Variants in AGXT2 observed in about 807,000 individuals in gnomAD.
AGXT2 encodes alanine--glyoxylate aminotransferase 2.
A neutral mutation model predicts 62.5 loss-of-function variants in AGXT2; 61 were observed. That is an observed-to-expected ratio of 0.98 (90% CI 0.79 to 1.21). The LOEUF (loss-of-function observed/expected upper bound fraction) is 1.21, where lower values mean the gene tolerates loss of function less well. Among genes scored for constraint, AGXT2 ranks in the 50% most tolerant of loss-of-function variants. The pLI is 0.00. For synonymous variants in AGXT2, 243 were observed against 218.7 expected (o/e 1.11, Z -0.98); for missense variants, 666 against 641.5 (o/e 1.04, Z -0.41).
chr5:35,016,059 A>G (rs1766839844), intron 9 of AGXT2, among the ~76,000 whole-genome samples: 1 of 152,098 alleles, frequency 6.6e-6, no homozygotes. Flanking sequence ...CCTCCTTCCT[A>G]CTAATGAGCC....
In AGXT2 at chr5:34,998,362, C is replaced by A; in HGVS notation, c.*357G>T. On this transcript the variant is annotated 3_prime_UTR_variant, in exon 14 of 14. Coordinates refer to ENST00000231420, the MANE Select transcript of AGXT2 (RefSeq NM_031900.4). ...AAGAGTGAGGGTGAAGAAAACTTTC[C>A]CTGAAGGCACCTCCACCAAAAGATT... 3.3e-6 allele frequency: 1 copy of A among 302,176 alleles called. No homozygotes were observed. The highest frequency in any genetic ancestry group is 3.8e-5 in the South Asian group (1 of 26,474). 18.7% of individuals were successfully genotyped at this position (302,176 alleles called of 1,614,324 possible).
At chr5:35,012,770 C>T (rs1292400104) in intron 11 of AGXT2, 184 bp downstream of exon 11, 3 of 650,492 alleles carry the variant, frequency 4.6e-6, no homozygotes, top group Non-Finnish European at 8.4e-6. Context: ...ACTTTCAGCA[C>T]CCAAAGTAGG....
At position 35,040,643 on chromosome 5, in the gene AGXT2, C is replaced by A; in HGVS notation, c.109G>T (p.Val37Leu). The A allele has an allele frequency of 6.2e-7, 1 of 1,613,916 alleles. No individual in the cohort carries two copies. The highest frequency in any genetic ancestry group is 1.7e-5 in the Admixed American group (1 of 60,026). The change falls in exon 2 of 14, where the codon GTA (valine) becomes TTA (leucine). Residue 37 changes from valine to leucine, a missense_variant. Transcript: ENST00000231420. ...TTTGTATGAAGACTGAGCTTGGTTA[C>A]TGATGTCCGGGAAGTACCTACTGAA... ...FLSLGTSRTS[V>L]TKLSLHTKPR...
At position 35,025,799 on chromosome 5, in the gene AGXT2, C is replaced by T. The variant is rs754601615; in HGVS notation, c.927G>A (p.Leu309=). The T allele has an allele frequency of 1.9e-6, 3 of 1,614,160 alleles. No individual in the cohort carries two copies. The East Asian group carries it at 6.7e-5, about 36-fold the overall frequency. The change falls in exon 9 of 14, where the codon CTG becomes CTA. Residue 309 remains leucine (L), a synonymous_variant. Coordinates refer to ENST00000231420, the MANE Select transcript of AGXT2 (RefSeq NM_031900.4). ...PKGFLKEAFE[L]VRARGGVCIA... ...TGCACACGCCTCCCCTTGCTCGCACCAGCTCAAAGGCTTCCTTTAGAAACC... is the reference window on the plus strand; with the variant it reads ...TGCACACGCCTCCCCTTGCTCGCACTAGCTCAAAGGCTTCCTTTAGAAACC...
chr5:35,041,215 C>T (rs37372), intron 1 of AGXT2, among the ~76,000 whole-genome samples: 34,689 of 76,312 alleles, frequency 0.45, 5,434 homozygotes, highest in South Asian at 0.5. Flanking sequence ...GACAAAACCT[C>T]CCCCCGCCAA....
intron 9 of AGXT2, among the ~76,000 whole-genome samples, chr5:35,022,495 T>C (rs575451717): frequency 7.1e-4 from 104 of 146,774 alleles, no homozygotes; most frequent in Non-Finnish European, 1.3e-3. Context: ...GCACCGCATA[T>C]TCTCACTCAT....
At chr5:35,025,913 A>T in intron 8 of AGXT2, 58 bp from the exon 9 acceptor site, 1 of 1,482,092 alleles carries the variant, frequency 6.7e-7, no homozygotes, top group Non-Finnish European at 9.4e-7. Flanking sequence ...TTCAAAGTAT[A>T]TAAAAAAGTT....
chr5:34,998,697 G>A lies in AGXT2; in HGVS notation c.*22C>T. 1.3e-6 allele frequency: 2 copies of A among 1,588,936 alleles called. No individual in the cohort carries two copies. Among genetic ancestry groups the A allele is most frequent in the Non-Finnish European group, 1.7e-6 (2 of 1,158,044 alleles). On this transcript the variant is annotated 3_prime_UTR_variant, in exon 14 of 14. Coordinates refer to ENST00000231420, the MANE Select transcript of AGXT2 (RefSeq NM_031900.4). ...ACGTGGCAAATTCTTGAGACTTGTG[G>A]TTTTATTTATTTCTGACAATGTTAC...
At chr5:35,021,906 G>A (rs74519055) in intron 9 of AGXT2, among the ~76,000 whole-genome samples, 13,659 of 152,158 alleles carry the variant, frequency 0.09, 772 homozygotes, top group South Asian at 0.15. Context: ...ATCAACAATT[G>A]GGTGAAGGAT....
At chr5:35,002,332 C>T (rs1202273114) in intron 13 of AGXT2, among the ~76,000 whole-genome samples, 1 of 152,054 alleles carries the variant, frequency 6.6e-6, no homozygotes, top group African/African-American at 2.4e-5. Flanking sequence ...ATTGAAGATG[C>T]AAGAAAACAT....
At chr5:35,021,562 A>G (rs1489705045) in intron 9 of AGXT2, among the ~76,000 whole-genome samples, 1 of 125,026 alleles carries the variant, frequency 8.0e-6, no homozygotes, top group Non-Finnish European at 1.7e-5. Flanking sequence ...CACCTTATAC[A>G]AAAATCAATT....
intron 1 of AGXT2, among the ~76,000 whole-genome samples, chr5:35,041,746 G>C (rs189796460): frequency 6.0e-4 from 91 of 152,290 alleles, no homozygotes; most frequent in African/African-American, 2.0e-3. Flanking sequence ...TGGCTATGAA[G>C]TCACAGTCCT....
At chr5:35,034,744 C>T (rs1455380621) in intron 5 of AGXT2, among the ~76,000 whole-genome samples, 1 of 152,144 alleles carries the variant, frequency 6.6e-6, no homozygotes, top group African/African-American at 2.4e-5. Context: ...TATGTTCATC[C>T]TCTGAACTTA....
intron 9 of AGXT2, among the ~76,000 whole-genome samples, chr5:35,023,417 G>A (rs564064905): frequency 1.3e-5 from 2 of 152,132 alleles, no homozygotes; most frequent in African/African-American, 2.4e-5. Context: ...TAGTCCTCGC[G>A]ATAGTCCTTC....
At chr5:35,025,479 AAATAT>A (rs1767299138) in intron 9 of AGXT2, among the ~76,000 whole-genome samples, 1 of 152,250 alleles carries the variant, frequency 6.6e-6, no homozygotes, top group Non-Finnish European at 1.5e-5. Flanking sequence ...GGAATTAAAA[AAATAT>A]ATTGAGTCAC....
intron 13 of AGXT2, among the ~76,000 whole-genome samples, chr5:35,000,539 C>T (rs939206277): frequency 1.3e-5 from 2 of 152,278 alleles, no homozygotes; most frequent in African/African-American, 4.8e-5. Flanking sequence ...TGCCACCACA[C>T]TCAGCTAATT....
At chr5:35,001,899 T>C (rs1766239417) in intron 13 of AGXT2, among the ~76,000 whole-genome samples, 1 of 152,114 alleles carries the variant, frequency 6.6e-6, no homozygotes, top group Admixed American at 6.5e-5. Context: ...TTTGCCTTTC[T>C]CTCCCACCAG....
At chr5:35,007,334 GC>G (rs1766464916) in intron 12 of AGXT2, among the ~76,000 whole-genome samples, 1 of 152,188 alleles carries the variant, frequency 6.6e-6, no homozygotes, top group African/African-American at 2.4e-5. Flanking sequence ...ATAGAACTTT[GC>G]TATAGCAGCC....
At chr5:35,032,272 G>A (rs893443184) in intron 7 of AGXT2, among the ~76,000 whole-genome samples, 2 of 151,936 alleles carry the variant, frequency 1.3e-5, no homozygotes, top group Non-Finnish European at 2.9e-5. Flanking sequence ...CTTTCATGCA[G>A]GCTGGAGTGC....
Sources: gnomAD v4.1 joint callset for allele counts (sites outside exome capture counted in the v4.1 genomes callset) on GRCh38, gnomAD v4.1.1 for gene constraint, MANE v1.5 for transcripts, NCBI Gene and HGNC (gene_info 2026-07-23, HGNC 2026-07-21) for gene names.